MAGI2: variants seen among roughly 807,000 people sequenced by gnomAD.
MAGI2 encodes membrane-associated guanylate kinase, WW and PDZ domain-containing protein 2.
MAGI2 carries 35 observed loss-of-function variants against 133.3 expected under a neutral mutation model. The ratio of observed to expected loss-of-function variants is 0.26; its 90% CI spans 0.20 to 0.35. MAGI2 has a LOEUF of 0.35. Ranked by LOEUF, MAGI2 falls within the 10% of genes least tolerant of loss-of-function variation. MAGI2 has a pLI of 1.00. For synonymous variants in MAGI2, 729 were observed against 710.6 expected, an observed-to-expected ratio of 1.03 and a Z score of -0.41; for missense variants, 1,636 against 1,863.4, an observed-to-expected ratio of 0.88 and a Z score of 2.25.
chr7:78,522,863 A>G (rs1027020683), intron 3 of MAGI2, among the ~76,000 whole-genome samples: 3 of 152,156 alleles, frequency 2.0e-5, no homozygotes, highest in Non-Finnish European at 2.9e-5. Context: ...TAAAATCTTT[A>G]TTGGTACTAA....
At chr7:78,091,054 G>GTGTA (rs1403612745) in intron 20 of MAGI2, among the ~76,000 whole-genome samples, 1 of 61,170 alleles carries the variant, frequency 1.6e-5, no homozygotes, top group Non-Finnish European at 3.4e-5. Context: ...GTGTGTGTAT[G>GTGTA]TGTGTGTGTG....
intron 16 of MAGI2, chr7:78,159,790 T>A (rs1007633064): frequency 2.7e-6 from 1 of 363,760 alleles, no homozygotes. Context: ...AGAGCTTTTA[T>A]AGGGGTGGAG....
At position 78,362,672 on chromosome 7, in the gene MAGI2, A is replaced by T. The variant is rs577847351; in HGVS notation, c.1103+6484T>A. On this transcript the variant is annotated intron_variant, in intron 7 of 21. Transcript: ENST00000354212. Reference sequence around the variant, plus strand: ...ATAAGTTAAGGTCAAATAAGTTAATAAAAAAACTAGCTCTAGTTCAGTTAG... The same window carrying T: ...ATAAGTTAAGGTCAAATAAGTTAATTAAAAAACTAGCTCTAGTTCAGTTAG... 2.4e-4 allele frequency among the ~76,000 whole-genome samples: 37 copies of T among 152,332 alleles called. No homozygotes were observed. In the South Asian group the frequency reaches 6.4e-3, roughly 26 times the overall value.
At position 79,029,854 on chromosome 7, in the gene MAGI2, T is replaced by G. The variant is rs570899921; in HGVS notation, c.302-22648A>C. Reference sequence around the variant, plus strand: ...CTCTCCTAAACTCACACAACAGAGATGTAATGTTTACTCTGGTCTCTTGAT... The same window carrying G: ...CTCTCCTAAACTCACACAACAGAGAGGTAATGTTTACTCTGGTCTCTTGAT... On this transcript the variant is annotated intron_variant, in intron 1 of 21. Coordinates refer to ENST00000354212, the MANE Select transcript of MAGI2 (RefSeq NM_012301.4). Among the ~76,000 whole-genome samples the G allele has an allele frequency of 9.2e-5, 14 of 152,306 alleles. No homozygotes were observed. The South Asian group carries it at 2.7e-3, about 29-fold the overall frequency.
At chr7:79,366,536 C>A (rs1466946912) in intron 1 of MAGI2, among the ~76,000 whole-genome samples, 2 of 152,016 alleles carry the variant, frequency 1.3e-5, no homozygotes, top group Non-Finnish European at 1.5e-5. Flanking sequence ...TTAATACACA[C>A]AAATAACCTC....
chr7:78,333,367 A>C (rs1789428727), intron 9 of MAGI2, among the ~76,000 whole-genome samples: 1 of 152,236 alleles, frequency 6.6e-6, no homozygotes, highest in African/African-American at 2.4e-5. Context: ...GAAACAAAGC[A>C]GCCACAAGAA....
intron 6 of MAGI2, among the ~76,000 whole-genome samples, chr7:78,483,909 T>C (rs976266156): frequency 6.6e-6 from 1 of 151,996 alleles, no homozygotes; most frequent in Non-Finnish European, 1.5e-5. Flanking sequence ...GATCTTTTTA[T>C]GAGTTCTTCC....
At chr7:78,955,803 ATTCT>A (rs1324921521) in intron 2 of MAGI2, among the ~76,000 whole-genome samples, 30 of 81,370 alleles carry the variant, frequency 3.7e-4, no homozygotes, top group Non-Finnish European at 6.3e-4. Flanking sequence ...TCTTTCGTTC[ATTCT>A]TTCTTTCTTC....
chr7:79,197,043 A>G (rs945781347), intron 1 of MAGI2, among the ~76,000 whole-genome samples: 5 of 151,908 alleles, frequency 3.3e-5, no homozygotes, highest in Admixed American at 1.3e-4. Flanking sequence ...AGTCTCCCAA[A>G]GTGCTGGGAT....
chr7:78,057,977 G>GTATATA (rs58788674), intron 21 of MAGI2, among the ~76,000 whole-genome samples: 3,708 of 106,412 alleles, frequency 0.035, 320 homozygotes, highest in African/African-American at 0.061. Context: ...ATATATATGT[G>GTATATA]TATATATATA....
chr7:79,226,514 A>G (rs1290264646), intron 1 of MAGI2, among the ~76,000 whole-genome samples: 3 of 152,196 alleles, frequency 2.0e-5, no homozygotes, highest in African/African-American at 7.2e-5. Context: ...AATATCTAAT[A>G]GATCTGAAGC....
At chr7:78,651,689 T>C (rs1019779644) in intron 2 of MAGI2, among the ~76,000 whole-genome samples, 2 of 152,162 alleles carry the variant, frequency 1.3e-5, no homozygotes, top group East Asian at 1.9e-4. Context: ...AATAAAATGA[T>C]GATCTAAGGC....
chr7:78,288,879 G>A (rs1796417244), intron 9 of MAGI2, among the ~76,000 whole-genome samples: 1 of 152,248 alleles, frequency 6.6e-6, no homozygotes, highest in Admixed American at 6.5e-5. Context: ...CAGACCTGCA[G>A]CTGAGGATCC....
At chr7:78,463,970 T>C (rs1790349985) in intron 6 of MAGI2, among the ~76,000 whole-genome samples, 1 of 151,994 alleles carries the variant, frequency 6.6e-6, no homozygotes, top group Non-Finnish European at 1.5e-5. Context: ...CAAGAGTGAG[T>C]TAACCCATCA....
chr7:78,466,523 T>C (rs943943508), intron 6 of MAGI2, among the ~76,000 whole-genome samples: 2 of 152,228 alleles, frequency 1.3e-5, no homozygotes, highest in Middle Eastern at 3.2e-3. Flanking sequence ...AGATAAATTG[T>C]TTTATAAATA....
chr7:78,720,828 T>C (rs919581860), intron 2 of MAGI2, among the ~76,000 whole-genome samples: 4 of 152,056 alleles, frequency 2.6e-5, no homozygotes, highest in Non-Finnish European at 5.9e-5. Flanking sequence ...AAAGATCAAA[T>C]AGACAACCCT....
At chr7:78,890,111 A>C (rs1796617288) in intron 2 of MAGI2, among the ~76,000 whole-genome samples, 1 of 152,190 alleles carries the variant, frequency 6.6e-6, no homozygotes, top group Non-Finnish European at 1.5e-5. Context: ...AAACCAACAA[A>C]AATCAAAAGA....
rs77577470 is a variant in MAGI2, at chr7:78,246,363, G to T, written c.2047+9580C>A. ...CACCTCCTGGGACTGAGCTGAAGCA[G>T]CACATTGCCTCCAAAGGAATTAGTG... On this transcript the variant is annotated intron_variant, in intron 10 of 21. Transcript: ENST00000354212. 7.9e-5 allele frequency among the ~76,000 whole-genome samples: 12 copies of T among 152,218 alleles called. No individual in the cohort carries two copies. In the East Asian group the frequency reaches 2.3e-3, roughly 29 times the overall value.
chr7:78,100,209 A>G (rs1818085191), intron 20 of MAGI2, among the ~76,000 whole-genome samples: 1 of 152,104 alleles, frequency 6.6e-6, no homozygotes, highest in East Asian at 1.9e-4. Context: ...TCCAATATCT[A>G]CTATTCAGTG....
Sources: allele counts gnomAD v4.1 joint callset (sites outside exome capture counted in the v4.1 genomes callset), GRCh38; gene constraint gnomAD v4.1.1; transcripts MANE v1.5; gene names NCBI Gene and HGNC (gene_info 2026-07-23, HGNC 2026-07-21).